SPRR2B: variants seen among roughly 807,000 people sequenced by gnomAD.
SPRR2B encodes the protein small proline-rich protein 2B.
In SPRR2B, 1 loss-of-function variant was observed where a neutral mutation model predicts 1.0. The ratio of observed to expected loss-of-function variants is 1.01; its 90% confidence interval spans 0.36 to 4.77. The LOEUF (loss-of-function observed/expected upper bound fraction) is 4.77, where lower values mean the gene tolerates loss of function less well. Among genes scored for constraint, SPRR2B ranks in the 30% most tolerant of loss-of-function variants. The probability of loss-of-function intolerance (pLI) is 0.16; values close to 1 mark genes in which losing one functional copy is unlikely to be tolerated. For missense variants in SPRR2B, 53 were observed against 88.7 expected (o/e 0.60, Z 1.62); for synonymous variants, 27 against 33.4 (o/e 0.81, Z 0.66).
At chr1:153,075,103 C>T (rs571798423), upstream of SPRR2B, among the ~76,000 whole-genome samples, 4 of 152,174 alleles carry the variant, frequency 2.6e-5, no homozygotes, top group Non-Finnish European at 2.9e-5. Context: ...CCCAGCACTT[C>T]GGGAGACCAA....
upstream of SPRR2B, among the ~76,000 whole-genome samples, chr1:153,072,535 G>C (rs426147): frequency 0.57 from 85,957 of 151,976 alleles, 25,099 homozygotes; most frequent in African/African-American, 0.72. Context: ...AAGAGAAGGG[G>C]TCTTCTCAGA....
the SPRR2B span, among the ~76,000 whole-genome samples, chr1:153,079,051 C>T: frequency 1.3e-5 from 2 of 152,182 alleles, no homozygotes; most frequent in African/African-American, 2.4e-5. Context: ...CAATGATCAC[C>T]ATTCTAATTG....
At chr1:153,077,341 A>G in the SPRR2B span, among the ~76,000 whole-genome samples, 3 of 152,334 alleles carry the variant, frequency 2.0e-5, no homozygotes, top group African/African-American at 7.2e-5. Context: ...TGTATGAGAA[A>G]TGATAAAGAG....
chr1:153,083,907 C>T, the SPRR2B span, among the ~76,000 whole-genome samples: 3 of 152,190 alleles, frequency 2.0e-5, no homozygotes, highest in Admixed American at 6.5e-5. Flanking sequence ...TCAACTTGCT[C>T]GCATAGGAGA....
the SPRR2B span, among the ~76,000 whole-genome samples, chr1:153,082,470 A>G: frequency 6.6e-6 from 1 of 152,210 alleles, no homozygotes; most frequent in Non-Finnish European, 1.5e-5. Context: ...GGGTTACAGA[A>G]CAATTTAATA....
chr1:153,079,664 C>A, the SPRR2B span, among the ~76,000 whole-genome samples: 7 of 152,120 alleles, frequency 4.6e-5, no homozygotes. Context: ...TGTCAAAGAT[C>A]AGATGGTTGT....
chr1:153,081,628 G>C, the SPRR2B span, among the ~76,000 whole-genome samples: 1 of 152,090 alleles, frequency 6.6e-6, no homozygotes, highest in Non-Finnish European at 1.5e-5. Context: ...ATGTACACTG[G>C]TATATAAAAG....
chr1:153,084,623 T>C, the SPRR2B span, among the ~76,000 whole-genome samples: 1 of 152,122 alleles, frequency 6.6e-6, no homozygotes. Flanking sequence ...CTGTGGTGAA[T>C]GTCCCCACAG....
chr1:153,086,799 C>T, the SPRR2B span, among the ~76,000 whole-genome samples: 1 of 152,154 alleles, frequency 6.6e-6, no homozygotes, highest in Non-Finnish European at 1.5e-5. Flanking sequence ...CCACATGGCT[C>T]ATAGTCTAAA....
Position 153,070,468 on chromosome 1 carries a change from A to G in SPRR2B, c.*153T>C, listed in dbSNP as rs961689491. On this transcript the variant is annotated 3_prime_UTR_variant, in exon 2 of 2. Transcript: ENST00000368755. Reference sequence around the variant, plus strand: ...AGCCTTAGAAAGGAAACCTTTTGCTATCAGGGAACATCATGGGCAGATCAC... The same window carrying G: ...AGCCTTAGAAAGGAAACCTTTTGCTGTCAGGGAACATCATGGGCAGATCAC... 28 of 1,385,576 alleles carry G rather than the reference A, an allele frequency of 2.0e-5. No individual in the cohort carries two copies. The Admixed American group carries it at 2.2e-4, about 11-fold the overall frequency. 85.8% of individuals were successfully genotyped at this position (1,385,576 alleles called of 1,614,324 possible). A position where few individuals can be genotyped will look rare whatever the true frequency, so the allele number is the denominator to read the frequency against.
chr1:153,078,846 C>T, the SPRR2B span, among the ~76,000 whole-genome samples: 5 of 152,168 alleles, frequency 3.3e-5, no homozygotes, highest in Admixed American at 6.5e-5. Context: ...GTCTTTATAG[C>T]AGCATGATTT....
the SPRR2B span, among the ~76,000 whole-genome samples, chr1:153,083,810 C>A: frequency 6.6e-6 from 1 of 152,202 alleles, no homozygotes; most frequent in Non-Finnish European, 1.5e-5. Flanking sequence ...GTGACAGAGG[C>A]AGCATGCCAG....
At chr1:153,087,311 A>G in the SPRR2B span, among the ~76,000 whole-genome samples, 7 of 152,228 alleles carry the variant, frequency 4.6e-5, no homozygotes, top group South Asian at 1.0e-3. Flanking sequence ...AAAGATCTCA[A>G]TGCAAAAACA....
chr1:153,073,708 C>CAT (rs1259553777), upstream of SPRR2B, among the ~76,000 whole-genome samples: 2 of 75,926 alleles, frequency 2.6e-5, no homozygotes, highest in African/African-American at 5.7e-5. Flanking sequence ...CACACACACA[C>CAT]ACACACACAC....
the SPRR2B span, among the ~76,000 whole-genome samples, chr1:153,077,633 T>C: frequency 6.6e-6 from 1 of 152,060 alleles, no homozygotes; most frequent in Non-Finnish European, 1.5e-5. Context: ...TCTTTTTTTT[T>C]TTCGACACAG....
chr1:153,075,717 TGAGA>T (rs1448359159), upstream of SPRR2B, among the ~76,000 whole-genome samples: 1 of 152,220 alleles, frequency 6.6e-6, no homozygotes, highest in Non-Finnish European at 1.5e-5. Context: ...TGTTTATGGC[TGAGA>T]AAGACATTTG....
chr1:153,081,672 C>A, the SPRR2B span, among the ~76,000 whole-genome samples: 519 of 152,258 alleles, frequency 3.4e-3, 1 homozygote, highest in African/African-American at 0.012. Flanking sequence ...TGTAACTTCA[C>A]TTTTTATTTT....
chr1:153,075,458 G>A (rs1274788417), upstream of SPRR2B, among the ~76,000 whole-genome samples: 1 of 152,054 alleles, frequency 6.6e-6, no homozygotes, highest in Non-Finnish European at 1.5e-5. Context: ...CTATCTAAGA[G>A]CCAGACAGAT....
At chr1:153,086,484 C>T in the SPRR2B span, among the ~76,000 whole-genome samples, 1 of 152,212 alleles carries the variant, frequency 6.6e-6, no homozygotes, top group Non-Finnish European at 1.5e-5. Context: ...ACCTAACTAT[C>T]TTAAATATAT....
Sources: gnomAD v4.1 joint callset for allele counts (sites outside exome capture counted in the v4.1 genomes callset) on GRCh38, gnomAD v4.1.1 for gene constraint, MANE v1.5 for transcripts, NCBI Gene and HGNC (gene_info 2026-07-23, HGNC 2026-07-21) for gene names.